Variants in SDC2 observed in about 807,000 individuals in gnomAD.
The protein encoded by SDC2 is syndecan 2, also known as syndecan-2.
SDC2 carries 13 observed loss-of-function variants against 22.2 expected under a neutral mutation model. The observed-to-expected ratio is 0.59, with a 90% CI of 0.38 to 0.93. The LOEUF is 0.93. SDC2 is among the 40% of genes least tolerant of loss of function. SDC2 has a pLI of 0.00. For synonymous variants in SDC2, 94 were observed against 92.8 expected, an observed-to-expected ratio of 1.01 and a Z score of -0.07; for missense variants, 235 against 246.8, an observed-to-expected ratio of 0.95 and a Z score of 0.32.
At position 96,494,733 on chromosome 8, in the gene SDC2, C is replaced by T. The variant is rs570359298; in HGVS notation, c.60+402C>T. ...CTCCACTCCGCGCGCTCCTCGAGAC[C>T]AGGGATGACCTGGAAACTTCGGGGT... On this transcript the variant is annotated intron_variant, in intron 1 of 4. Transcript: ENST00000302190. Among the ~76,000 whole-genome samples, 3 of 152,136 alleles carry T rather than the reference C, an allele frequency of 2.0e-5. No individual in the cohort carries two copies. In the East Asian group the frequency reaches 5.8e-4, roughly 30 times the overall value.
intron 1 of SDC2, among the ~76,000 whole-genome samples, chr8:96,590,159 T>G (rs989661419): frequency 6.6e-6 from 1 of 152,226 alleles, no homozygotes; most frequent in Non-Finnish European, 1.5e-5. Flanking sequence ...TATTCACATC[T>G]TGCATCAGCC....
intron 1 of SDC2, among the ~76,000 whole-genome samples, chr8:96,560,778 G>A (rs1434889193): frequency 6.6e-6 from 1 of 151,756 alleles, no homozygotes; most frequent in Non-Finnish European, 1.5e-5. Context: ...TATTTACACA[G>A]TCCCTAATAC....
intron 3 of SDC2, among the ~76,000 whole-genome samples, chr8:96,605,353 G>C (rs1815059732): frequency 6.6e-6 from 1 of 152,156 alleles, no homozygotes; most frequent in Non-Finnish European, 1.5e-5. Flanking sequence ...TAGTAAAGCA[G>C]TACTAATGAG....
chr8:96,591,742 TA>T (rs2130630159), intron 1 of SDC2, among the ~76,000 whole-genome samples: 1 of 151,972 alleles, frequency 6.6e-6, no homozygotes, highest in South Asian at 2.1e-4. Context: ...CCAGGGGAAG[TA>T]AATGGGACAA....
intron 2 of SDC2, among the ~76,000 whole-genome samples, chr8:96,601,492 T>A (rs965812753): frequency 4.0e-5 from 6 of 151,450 alleles, no homozygotes; most frequent in Admixed American, 1.3e-4. Flanking sequence ...ATACAAAAAA[T>A]TAGCTGGGTG....
chr8:96,541,469 A>G (rs1813848049), intron 1 of SDC2, among the ~76,000 whole-genome samples: 1 of 150,276 alleles, frequency 6.7e-6, no homozygotes, highest in Admixed American at 6.7e-5. Flanking sequence ...ATCGCACCAC[A>G]ATACTCCAGC....
At chr8:96,556,760 C>G (rs1814120984) in intron 1 of SDC2, among the ~76,000 whole-genome samples, 3 of 151,014 alleles carry the variant, frequency 2.0e-5, no homozygotes, top group African/African-American at 7.3e-5. Flanking sequence ...CAACAAAAGC[C>G]AAAATTGACA....
intron 1 of SDC2, among the ~76,000 whole-genome samples, chr8:96,583,687 G>A (rs1020834543): frequency 8.5e-6 from 1 of 118,016 alleles, no homozygotes; most frequent in Non-Finnish European, 1.7e-5. Flanking sequence ...TGAAATATAT[G>A]TGTGTGTGTG....
chr8:96,559,893 G>T (rs963366784), intron 1 of SDC2, among the ~76,000 whole-genome samples: 2 of 152,098 alleles, frequency 1.3e-5, no homozygotes, highest in African/African-American at 2.4e-5. Flanking sequence ...ACATTTTTGA[G>T]TTTGTATTCT....
intron 1 of SDC2, among the ~76,000 whole-genome samples, chr8:96,559,374 GT>G (rs1369597043): frequency 1.3e-4 from 20 of 152,206 alleles, no homozygotes; most frequent in Non-Finnish European, 2.9e-5. Flanking sequence ...GTTGTCTGTT[GT>G]TAAAAGGTGG....
chr8:96,563,562 G>A (rs1814247073), intron 1 of SDC2, among the ~76,000 whole-genome samples: 1 of 152,156 alleles, frequency 6.6e-6, no homozygotes, highest in Non-Finnish European at 1.5e-5. Flanking sequence ...TTATAGCAGG[G>A]AACACGGGGC....
At chr8:96,606,791 G>T (rs535401327) in intron 3 of SDC2, among the ~76,000 whole-genome samples, 1 of 152,200 alleles carries the variant, frequency 6.6e-6, no homozygotes, top group Non-Finnish European at 1.5e-5. Flanking sequence ...TAATCCTGGG[G>T]GTTTAGTGAG....
At chr8:96,522,525 C>A (rs571378570) in intron 1 of SDC2, among the ~76,000 whole-genome samples, 6 of 152,106 alleles carry the variant, frequency 3.9e-5, no homozygotes, top group Non-Finnish European at 5.9e-5. Context: ...CCATTTTGTC[C>A]CCAATTGCTT....
Position 96,602,383 on chromosome 8 carries a change from T to G in SDC2, c.173-12T>G, listed in dbSNP as rs201845345. The G allele has an allele frequency of 3.0e-4, 478 of 1,613,238 alleles. 2 individuals are homozygous for G. Among genetic ancestry groups the G allele is most frequent in the Non-Finnish European group, 3.4e-4 (406 of 1,179,516 alleles). ...ATTGCCATGCTCAGTTCATCTTCAC[T>G]TACTTTTCCAGGAGCTGATGAGGAT... On this transcript the variant is annotated splice_polypyrimidine_tract_variant and intron_variant, in intron 2 of 4. Transcript: ENST00000302190.
intron 1 of SDC2, among the ~76,000 whole-genome samples, chr8:96,513,772 A>T (rs774186532): frequency 1.3e-5 from 2 of 152,188 alleles, no homozygotes; most frequent in African/African-American, 2.4e-5. Flanking sequence ...ATCTCGACTG[A>T]GTAAAAGGAA....
intron 1 of SDC2, among the ~76,000 whole-genome samples, chr8:96,535,883 A>G (rs1033753841): frequency 3.0e-4 from 45 of 152,226 alleles, no homozygotes; most frequent in African/African-American, 1.0e-3. Flanking sequence ...GAGACACAAT[A>G]TAAAAAGATG....
At chr8:96,536,687 A>G (rs1208027273) in intron 1 of SDC2, among the ~76,000 whole-genome samples, 2 of 152,194 alleles carry the variant, frequency 1.3e-5, no homozygotes, top group Admixed American at 6.5e-5. Context: ...GGATGTAGCA[A>G]CAGTCAGCAA....
chr8:96,540,509 C>CAAA (rs537444852), intron 1 of SDC2, among the ~76,000 whole-genome samples: 104 of 133,396 alleles, frequency 7.8e-4, no homozygotes, highest in Non-Finnish European at 9.0e-4. Flanking sequence ...ACCCCGCCTC[C>CAAA]AAAAAAAAAA....
At chr8:96,535,330 G>A (rs751183521) in intron 1 of SDC2, among the ~76,000 whole-genome samples, 5 of 152,118 alleles carry the variant, frequency 3.3e-5, no homozygotes, top group Non-Finnish European at 7.4e-5. Flanking sequence ...TAGCCTAAGT[G>A]TGGCCCATCC....
Sources: allele counts gnomAD v4.1 joint callset (sites outside exome capture counted in the v4.1 genomes callset), GRCh38; gene constraint gnomAD v4.1.1; transcripts MANE v1.5; gene names NCBI Gene and HGNC (gene_info 2026-07-23, HGNC 2026-07-21).